INTU: variants seen among roughly 807,000 people sequenced by gnomAD.
The protein encoded by INTU is protein inturned.
Under a neutral mutation model 100.5 loss-of-function variants are expected in INTU, and 68 were observed. The observed-to-expected ratio is 0.68, with a 90% CI of 0.56 to 0.83. INTU has a LOEUF of 0.83. Ranked by LOEUF, INTU falls within the 40% of genes least tolerant of loss-of-function variation. The pLI, the probability that INTU is intolerant of heterozygous loss-of-function variation, is 0.00. For missense variants in INTU, 1,071 were observed against 1,114.7 expected, an observed-to-expected ratio of 0.96 and a Z score of 0.56; for synonymous variants, 357 against 395.7, an observed-to-expected ratio of 0.90 and a Z score of 1.16.
Position 127,655,879 on chromosome 4 carries a change from C to T in INTU, c.683-757C>T, listed in dbSNP as rs1276956665. On this transcript the variant is annotated intron_variant, in intron 2 of 15. Transcript: ENST00000335251. ...GCTGTGCTAGCAATCAGCGAGACTC[C>T]GTGGGCGTAGGACCCTCCGAGCCAG... is the stretch of plus-strand genomic sequence containing the variant. 2.2e-4 allele frequency among the ~76,000 whole-genome samples: 33 copies of T among 151,428 alleles called. No individual in the cohort carries two copies. The East Asian group carries it at 4.9e-3, about 22-fold the overall frequency.
At chr4:127,659,550 A>G (rs536455220) in intron 3 of INTU, among the ~76,000 whole-genome samples, 4 of 152,330 alleles carry the variant, frequency 2.6e-5, no homozygotes, top group African/African-American at 9.6e-5. Context: ...AAAGGTGCAA[A>G]TACCCATCTA....
chr4:127,682,226 C>G (rs1035450714), intron 6 of INTU, among the ~76,000 whole-genome samples: 3 of 151,966 alleles, frequency 2.0e-5, no homozygotes, highest in Non-Finnish European at 2.9e-5. Flanking sequence ...ACTAGAAATA[C>G]GATTTGACCC....
chr4:127,684,956 T>C (rs1235479650), intron 7 of INTU, among the ~76,000 whole-genome samples: 1 of 152,098 alleles, frequency 6.6e-6, no homozygotes, highest in Non-Finnish European at 1.5e-5. Flanking sequence ...AAATACATTT[T>C]TGTGTTTTTC....
intron 2 of INTU, among the ~76,000 whole-genome samples, chr4:127,651,726 C>T (rs865904664): frequency 0.022 from 3,336 of 148,556 alleles, 136 homozygotes; most frequent in African/African-American, 0.081. Flanking sequence ...CCATATGAAC[C>T]TTAAAGTAGT....
In INTU at chr4:127,675,416, T is replaced by C. The variant is rs1729130004; in HGVS notation, c.1181+1203T>C. The stretch of plus-strand genomic sequence containing the variant: ...ATGACTATTTTTTATTACTAATGAA[T>C]TTGTTAACCAGATTTCCTTCATTAT... On this transcript the variant is annotated intron_variant, in intron 6 of 15. Coordinates refer to ENST00000335251, the MANE Select transcript of INTU (RefSeq NM_015693.4). Among the ~76,000 whole-genome samples the C allele has an allele frequency of 3.3e-5, 5 of 152,330 alleles. No homozygotes were observed. The South Asian group carries it at 1.0e-3, about 32-fold the overall frequency.
chr4:127,710,605 CAGTT>C (rs1014506519), intron 13 of INTU, among the ~76,000 whole-genome samples: 48 of 152,248 alleles, frequency 3.2e-4, no homozygotes, highest in African/African-American at 8.9e-4. Flanking sequence ...GAAAAAGAGA[CAGTT>C]AGCCAATTTG....
At chr4:127,682,079 G>A (rs1729590796) in intron 6 of INTU, among the ~76,000 whole-genome samples, 1 of 151,714 alleles carries the variant, frequency 6.6e-6, no homozygotes, top group Admixed American at 6.6e-5. Context: ...AGTTAGAATG[G>A]CAATGATTAA....
Position 127,650,840 on chromosome 4 carries a change from G to A in INTU, c.683-5796G>A, listed in dbSNP as rs545826149. Reference sequence around the variant, plus strand: ...GAACTAGTTTACAGTCCCACCAACAGTGTAAAAGTGTTCCTATTTCTCCAC... The same window carrying A: ...GAACTAGTTTACAGTCCCACCAACAATGTAAAAGTGTTCCTATTTCTCCAC... On this transcript the variant is annotated intron_variant, in intron 2 of 15. Coordinates refer to ENST00000335251, the MANE Select transcript of INTU (RefSeq NM_015693.4). Among the ~76,000 whole-genome samples, 489 of 152,224 alleles carry A rather than the reference G, an allele frequency of 3.2e-3. 2 individuals carry two copies. The highest frequency in any genetic ancestry group is 4.8e-3 in the Non-Finnish European group (328 of 68,000).
rs904683563 is a variant in INTU at position 127,722,438 on chromosome 4, G to A, written c.*6002G>A. On this transcript the variant is annotated 3_prime_UTR_variant, in exon 16 of 16. Coordinates refer to ENST00000335251, the MANE Select transcript of INTU (RefSeq NM_015693.4). ...CTCAGTCAGAAGGAGCGGGGTCAGA[G>A]AACCACTTAAATAAGCAGTCTGTCT... 6.6e-6 allele frequency: 1 copy of A among 152,388 alleles called. No individual in the cohort carries two copies. Among genetic ancestry groups the A allele is most frequent in the African/African-American group, 2.4e-5 (1 of 41,454 alleles). The allele number at this position is 152,388 out of a possible 1,614,324, so 9.4% of individuals were successfully genotyped here.
chr4:127,644,453 T>C (rs545923985), intron 2 of INTU, among the ~76,000 whole-genome samples: 82 of 152,354 alleles, frequency 5.4e-4, no homozygotes, highest in Admixed American at 1.8e-3. Context: ...AAAAATACTT[T>C]TAAATTGTAT....
intron 13 of INTU, 33 bp downstream of exon 13, chr4:127,708,701 C>T (rs1259285438): frequency 1.2e-5 from 14 of 1,170,304 alleles, no homozygotes; most frequent in Non-Finnish European, 1.7e-5. Flanking sequence ...TTCACTTAAA[C>T]TCAGGAAGTT....
chr4:127,646,263 A>G (rs986767468), intron 2 of INTU, among the ~76,000 whole-genome samples: 9 of 152,004 alleles, frequency 5.9e-5, no homozygotes, highest in Non-Finnish European at 1.2e-4. Flanking sequence ...ACATACTTAC[A>G]TTCTCTTGGG....
At chr4:127,644,365 A>T (rs961281697) in intron 2 of INTU, among the ~76,000 whole-genome samples, 1 of 152,204 alleles carries the variant, frequency 6.6e-6, no homozygotes, top group Non-Finnish European at 1.5e-5. Flanking sequence ...AAGAAAAAAA[A>T]CGTTGATCAT....
intron 6 of INTU, among the ~76,000 whole-genome samples, chr4:127,675,675 C>A (rs569073582): frequency 6.6e-6 from 1 of 152,252 alleles, no homozygotes; most frequent in South Asian, 2.1e-4. Context: ...GAATCTGCTT[C>A]CAAAGTGGCT....
In INTU at chr4:127,693,674, A is replaced by G. The variant is rs938754575; in HGVS notation, c.1449+5807A>G. On this transcript the variant is annotated intron_variant, in intron 8 of 15. Transcript: ENST00000335251. ...CCAGTTCTCAGGAGGAATGCTTTCA[A>G]CTTTTCCCCATTCAGTATAATATTG... is the stretch of plus-strand genomic sequence containing the variant. Among the ~76,000 whole-genome samples, 7 of 152,190 alleles carry G rather than the reference A, an allele frequency of 4.6e-5. No homozygotes were observed. The East Asian group carries it at 1.4e-3, about 29-fold the overall frequency.
In INTU at chr4:127,650,087, G is replaced by A. The variant is rs148979311; in HGVS notation, c.682+6031G>A. ...CATGCAGTGTATTTTGATATGGTTGGGGCCTTTGAAGCAAAGAACTGTTTG... is the reference window on the plus strand; with the variant it reads ...CATGCAGTGTATTTTGATATGGTTGAGGCCTTTGAAGCAAAGAACTGTTTG... On this transcript the variant is annotated intron_variant, in intron 2 of 15. Coordinates refer to ENST00000335251, the MANE Select transcript of INTU (RefSeq NM_015693.4). 3.9e-5 allele frequency among the ~76,000 whole-genome samples: 6 copies of A among 152,180 alleles called. No individual in the cohort carries two copies. In the East Asian group the frequency reaches 1.2e-3, roughly 29 times the overall value.
intron 4 of INTU, among the ~76,000 whole-genome samples, chr4:127,664,987 A>G (rs1288871341): frequency 1.3e-5 from 2 of 151,592 alleles, no homozygotes; most frequent in African/African-American, 2.4e-5. Context: ...TTAAATGATT[A>G]CACTTAAAAT....
chr4:127,671,616 A>G (rs1407319917), intron 5 of INTU, among the ~76,000 whole-genome samples: 2 of 152,050 alleles, frequency 1.3e-5, no homozygotes, highest in Admixed American at 6.6e-5. Context: ...GACTTGGTAT[A>G]TAACCAAAGG....
At chr4:127,715,134 G>A (rs1288199668) in intron 15 of INTU, among the ~76,000 whole-genome samples, 1 of 152,066 alleles carries the variant, frequency 6.6e-6, no homozygotes, top group Non-Finnish European at 1.5e-5. Context: ...AAAATCTAAT[G>A]AACAAAGATG....
Sources: gnomAD v4.1 joint callset for allele counts (sites outside exome capture counted in the v4.1 genomes callset) on GRCh38, gnomAD v4.1.1 for gene constraint, MANE v1.5 for transcripts, NCBI Gene and HGNC (gene_info 2026-07-23, HGNC 2026-07-21) for gene names.